The following GUF1 variants were observed in gnomAD, a reference collection of about 807,000 sequenced individuals.
GUF1 encodes the protein GTP binding elongation factor GUF1.
GUF1 carries 78 observed loss-of-function variants against 82.4 expected under a neutral mutation model. That is an observed-to-expected ratio of 0.95 (90% CI 0.79 to 1.14). The LOEUF (loss-of-function observed/expected upper bound fraction) is 1.14. Ranked by LOEUF, GUF1 falls within the 50% of genes most tolerant of loss-of-function variation. GUF1 has a pLI of 0.00. For synonymous variants in GUF1, 279 were observed against 282.3 expected (o/e 0.99, Z 0.12); for missense variants, 814 against 798.2 (o/e 1.02, Z -0.24).
At chr4:44,696,830 T>C (rs2109670423) in intron 15 of GUF1, among the ~76,000 whole-genome samples, 1 of 152,282 alleles carries the variant, frequency 6.6e-6, no homozygotes, top group East Asian at 1.9e-4. Context: ...AATAAGTGTG[T>C]TGAGATAATA....
chr4:44,694,586 C>G (rs1424037057), intron 14 of GUF1, 73 bp downstream of exon 14: 1 of 952,662 alleles, frequency 1.0e-6, no homozygotes, highest in Admixed American at 2.4e-5. Flanking sequence ...TTTGTTTGAG[C>G]AGCTGCATTT....
rs752215995 is a variant in GUF1, at chr4:44,678,722, C to A, written c.100C>A (p.Pro34Thr). Residue 34 changes from proline (P) to threonine (T), a missense_variant, in exon 1 of 17, where the codon CCG (proline) becomes ACG (threonine). Physicochemically the swap from Pro to Thr is conservative, Grantham distance 38. Transcript: ENST00000281543. Reference sequence around the variant, plus strand: ...GGTGGCCCCGGGGCCCCGGTCCGCGCCGACCCTTGGGGCTGCTCCAGAGTC... The same window carrying A: ...GGTGGCCCCGGGGCCCCGGTCCGCGACGACCCTTGGGGCTGCTCCAGAGTC... ...LLVAPGPRSAPTLGAAPESWA... is the reference protein window; with the variant it reads ...LLVAPGPRSATTLGAAPESWA... 1 of 1,518,366 alleles carries A rather than the reference C, an allele frequency of 6.6e-7. No homozygotes were observed. The highest frequency in any genetic ancestry group is 1.5e-5 in the African/African-American group (1 of 68,304). The allele number at this position is 1,518,366 out of a possible 1,614,324, so 94.1% of individuals were successfully genotyped here. A position where few individuals can be genotyped will look rare whatever the true frequency, so the allele number is the denominator to read the frequency against.
At chr4:44,680,992 C>A in intron 3 of GUF1, 131 bp from the exon 4 acceptor site, 1 of 1,097,068 alleles carries the variant, frequency 9.1e-7, no homozygotes, top group Non-Finnish European at 1.3e-6. Context: ...TCAGTTGTTT[C>A]AAAAGTGCAG....
At chr4:44,691,406 CAAG>C in intron 12 of GUF1, among the ~76,000 whole-genome samples, 1 of 151,742 alleles carries the variant, frequency 6.6e-6, no homozygotes. Flanking sequence ...ATTTGTAAAA[CAAG>C]AAATTAGGAC....
chr4:44,689,009 G>GTTTTTTTTTTTT (rs33967370), intron 9 of GUF1, among the ~76,000 whole-genome samples: 1 of 148,262 alleles, frequency 6.7e-6, no homozygotes, highest in Non-Finnish European at 1.5e-5. Context: ...TAATTCCCAT[G>GTTTTTTTTTTTT]TTTTTTTTTT....
intron 6 of GUF1, among the ~76,000 whole-genome samples, chr4:44,683,619 C>T (rs1389323658): frequency 6.6e-6 from 1 of 151,994 alleles, no homozygotes; most frequent in African/African-American, 2.4e-5. Context: ...TCTGAAACTC[C>T]CTGCAGTATT....
At chr4:44,683,146 G>T in intron 5 of GUF1, 89 bp from the exon 6 acceptor site, 1 of 737,208 alleles carries the variant, frequency 1.4e-6, no homozygotes, top group Non-Finnish European at 2.2e-6. Flanking sequence ...GGTTAAAGTG[G>T]GTAAGCTTTT....
chr4:44,687,907 G>A (rs1225182091), intron 8 of GUF1, 100 bp from the exon 9 acceptor site: 27 of 1,044,662 alleles, frequency 2.6e-5, no homozygotes, highest in Non-Finnish European at 3.8e-5. Context: ...TGGAAAGTTT[G>A]GAAAGTGTAT....
chr4:44,680,064 T>G (rs1029486888), intron 1 of GUF1, among the ~76,000 whole-genome samples: 1 of 152,130 alleles, frequency 6.6e-6, no homozygotes, highest in African/African-American at 2.4e-5. Flanking sequence ...AGCAGAAAAT[T>G]TATCTTCTTT....
In GUF1 at chr4:44,699,692, CAAAT is replaced by C. The variant is rs1043961839; in HGVS notation, c.*1014_*1017del. 9 of 152,150 alleles carry C rather than the reference CAAAT, an allele frequency of 5.9e-5. No homozygotes were observed. The highest frequency in any genetic ancestry group is 1.9e-4 in the African/African-American group (8 of 41,434). The allele number at this position is 152,150 out of a possible 1,614,324, so 9.4% of individuals were successfully genotyped here. On this transcript the variant is annotated 3_prime_UTR_variant, in exon 17 of 17. Coordinates refer to ENST00000281543, the MANE Select transcript of GUF1 (RefSeq NM_021927.3). ...GAATTCACTTATTAAACAGTAAACT[CAAAT>C]AACATAGACATCAAATAACAGACAT...
intron 1 of GUF1, among the ~76,000 whole-genome samples, 171 bp from the exon 2 acceptor site, chr4:44,680,270 C>T (rs555191936): frequency 1.6e-4 from 25 of 152,128 alleles, no homozygotes; most frequent in African/African-American, 5.5e-4. Context: ...ACTGATGTTC[C>T]TTGTAATATG....
In GUF1 at chr4:44,687,991, TAA is replaced by T; in HGVS notation, c.939-15_939-14del. The stretch of plus-strand genomic sequence containing the variant: ...CATTAAAGCAGTAAATATTTGCATA[TAA>T]TAATTTTATTTAGATATGCAGGACA... On this transcript the variant is annotated splice_polypyrimidine_tract_variant and intron_variant, in intron 8 of 16. Transcript: ENST00000281543. 1 of 1,603,270 alleles carries T rather than the reference TAA, an allele frequency of 6.2e-7. No individual in the cohort carries two copies. Among genetic ancestry groups the T allele is most frequent in the Non-Finnish European group, 8.5e-7 (1 of 1,174,020 alleles).
intron 6 of GUF1, 62 bp from the exon 7 acceptor site, chr4:44,685,897 T>C: frequency 3.5e-6 from 4 of 1,139,398 alleles, no homozygotes; most frequent in Non-Finnish European, 5.2e-6. Flanking sequence ...TCACAGGTCA[T>C]CAAGATAGAA....
intron 10 of GUF1, 85 bp downstream of exon 10, chr4:44,689,494 T>A (rs1715286032): frequency 7.4e-7 from 1 of 1,355,502 alleles, no homozygotes; most frequent in African/African-American, 1.5e-5. Context: ...AGGGAGGTTT[T>A]TAAAAAATAT....
chr4:44,681,190 T>C lies in GUF1; in HGVS notation c.494T>C (p.Val165Ala), dbSNP rs374516989. Residue 165 changes from valine to alanine, a missense_variant, in exon 4 of 17, where the codon GTT becomes GCT. Val to Ala is a moderately conservative substitution (Grantham distance 64). Transcript: ENST00000281543. ...GCTTGCCAGGGTGTTTTACTTGTGG[T>C]TGATGCAAATGAGGTAGGTATTTTT... ...LSACQGVLLVVDANEGIQAQT... is the reference protein window; with the variant it reads ...LSACQGVLLVADANEGIQAQT... 137 of 1,611,136 alleles carry C rather than the reference T, an allele frequency of 8.5e-5. No homozygotes were observed. Among genetic ancestry groups the C allele is most frequent in the Non-Finnish European group, 6.6e-5 (78 of 1,177,574 alleles).
At chr4:44,685,017 G>A (rs1235639904) in intron 6 of GUF1, among the ~76,000 whole-genome samples, 1 of 152,172 alleles carries the variant, frequency 6.6e-6, no homozygotes, top group Non-Finnish European at 1.5e-5. Context: ...AGAACAGAAA[G>A]TGGTTGAACC....
Position 44,698,959 on chromosome 4 carries a change from A to G in GUF1, c.*278A>G, listed in dbSNP as rs190616258. The G allele has an allele frequency of 5.0e-3, 1,393 of 277,930 alleles. 6 individuals are homozygous for G. The highest frequency in any genetic ancestry group is 6.7e-3 in the Non-Finnish European group (1,005 of 148,918). The allele number at this position is 277,930 out of a possible 1,614,324, so 17.2% of individuals were successfully genotyped here. A position where few individuals can be genotyped will look rare whatever the true frequency, so the allele number is the denominator to read the frequency against. On this transcript the variant is annotated 3_prime_UTR_variant, in exon 17 of 17. Coordinates refer to ENST00000281543, the MANE Select transcript of GUF1 (RefSeq NM_021927.3). ...AAATCGAGATTATACTACTACCTAC[A>G]TAAGTTGTTGTTGTGAAGATTAAAT...
chr4:44,682,027 T>C (rs1386710927), intron 4 of GUF1, among the ~76,000 whole-genome samples: 1 of 151,918 alleles, frequency 6.6e-6, no homozygotes, highest in Non-Finnish European at 1.5e-5. Flanking sequence ...CATGGAAAAA[T>C]AGGTATCATA....
chr4:44,683,337 A>C lies in GUF1; in HGVS notation c.669+19A>C, dbSNP rs1463290535. On this transcript the variant is annotated intron_variant, in intron 6 of 16. Transcript: ENST00000281543. ...TATTAAGGTAAAATACGTTCCTAAA[A>C]AGATTATACTTTGAAAAAAGTCTCA... 7.2e-7 allele frequency: 1 copy of C among 1,388,100 alleles called. No individual in the cohort carries two copies. Among genetic ancestry groups the C allele is most frequent in the Admixed American group, 2.4e-5 (1 of 41,418 alleles). The allele number at this position is 1,388,100 out of a possible 1,614,324, so 86.0% of individuals were successfully genotyped here. A position where few individuals can be genotyped will look rare whatever the true frequency, so the allele number is the denominator to read the frequency against.
Sources: allele counts gnomAD v4.1 joint callset (sites outside exome capture counted in the v4.1 genomes callset), GRCh38; gene constraint gnomAD v4.1.1; transcripts MANE v1.5; gene names NCBI Gene and HGNC (gene_info 2026-07-23, HGNC 2026-07-21).